Variants in GTF2H1 observed in about 807,000 individuals in gnomAD.
GTF2H1 encodes the protein general transcription factor IIH subunit 1, also known as BTF2 p62.
A neutral mutation model predicts 71.2 loss-of-function variants in GTF2H1; 16 were observed. The ratio of observed to expected loss-of-function variants is 0.22; its 90% CI spans 0.15 to 0.34. GTF2H1 has a LOEUF of 0.34. Among genes scored for constraint, GTF2H1 ranks in the 10% least tolerant of loss-of-function variants. The probability of loss-of-function intolerance (pLI) is 1.00; values close to 1 mark genes in which losing one functional copy is unlikely to be tolerated. For synonymous variants in GTF2H1, 215 were observed against 219.0 expected (o/e 0.98, Z 0.16); for missense variants, 498 against 648.2 (o/e 0.77, Z 2.52).
chr11:18,365,828 C>T lies in GTF2H1; in HGVS notation c.1606C>T (p.Leu536Phe), dbSNP rs779396228. 4 of 1,613,870 alleles carry T rather than the reference C, an allele frequency of 2.5e-6. No homozygotes were observed. The highest frequency in any genetic ancestry group is 3.4e-6 in the Non-Finnish European group (4 of 1,179,786). Residue 536 changes from leucine (L) to phenylalanine (F), a missense_variant, in exon 15 of 15, where the codon CTC becomes TTC. Physicochemically the swap from Leu to Phe is conservative, Grantham distance 22. This residue lies in a region of GTF2H1 where 266 missense variants were observed against 301.6 expected (regional missense o/e 0.88). Transcript: ENST00000265963. ...GATGCTCCAGACAGCCTACAACAAGCTCCACACATGGCAGTCACGGCGTCT... is the reference window on the plus strand; with the variant it reads ...GATGCTCCAGACAGCCTACAACAAGTTCCACACATGGCAGTCACGGCGTCT... ...EEMLQTAYNKLHTWQSRRLMK... is the reference protein window; with the variant it reads ...EEMLQTAYNKFHTWQSRRLMK...
chr11:18,344,533 C>T lies in GTF2H1; in HGVS notation c.837+2926C>T, dbSNP rs768283214. On this transcript the variant is annotated intron_variant, in intron 7 of 14. Transcript: ENST00000265963. ...ACCCAGGAGGCTGAGGCAGGAGAGT[C>T]GCTGGAACCGGGGAGGCAGAGGCTG... 4.7e-5 allele frequency among the ~76,000 whole-genome samples: 7 copies of T among 148,872 alleles called. No homozygotes were observed. The South Asian group carries it at 6.4e-4, about 14-fold the overall frequency.
intron 13 of GTF2H1, 147 bp from the exon 14 acceptor site, chr11:18,360,468 T>C: frequency 3.9e-6 from 2 of 513,232 alleles, no homozygotes; most frequent in South Asian, 5.6e-5. Flanking sequence ...GGGTTAACAA[T>C]GTGATATAAT....
chr11:18,337,198 G>A (rs1467312811), intron 3 of GTF2H1, among the ~76,000 whole-genome samples: 1 of 152,158 alleles, frequency 6.6e-6, no homozygotes, highest in African/African-American at 2.4e-5. Flanking sequence ...CGAGGCTGAG[G>A]TGGGTGGATC....
intron 7 of GTF2H1, among the ~76,000 whole-genome samples, chr11:18,346,864 C>T (rs1181736951): frequency 6.7e-6 from 1 of 150,134 alleles, no homozygotes; most frequent in Non-Finnish European, 1.5e-5. Context: ...CTCAGCCTCC[C>T]CAACAGCTGG....
Position 18,330,156 on chromosome 11 carries a change from A to T in GTF2H1, c.-15-2904A>T, listed in dbSNP as rs571469327. 4.3e-4 allele frequency among the ~76,000 whole-genome samples: 66 copies of T among 152,318 alleles called. No individual in the cohort carries two copies. In the Middle Eastern group the frequency reaches 0.014, roughly 31 times the overall value. ...TTTGTTAATTATATCTTAGTTTTTT[A>T]AAATGGCTTTTTAAAAATTCTGTGG... On this transcript the variant is annotated intron_variant, in intron 1 of 14. Transcript: ENST00000265963.
chr11:18,350,858 G>A (rs1457647764), intron 9 of GTF2H1, among the ~76,000 whole-genome samples: 2 of 152,148 alleles, frequency 1.3e-5, no homozygotes, highest in Non-Finnish European at 1.5e-5. Context: ...TTACAAGGCT[G>A]TAAAAATTTA....
intron 3 of GTF2H1, 60 bp from the exon 4 acceptor site, chr11:18,338,049 G>A (rs1406255948): frequency 3.6e-6 from 4 of 1,122,406 alleles, no homozygotes; most frequent in East Asian, 2.4e-5. Flanking sequence ...TTTTTAAAAT[G>A]TACCTACATG....
In GTF2H1 at chr11:18,342,185, T is replaced by C. The variant is rs144525915; in HGVS notation, c.837+578T>C. ...TCTGTCTTCTAGGCCAGAACTTGTCTTCCTCAGTTATTCCCTTTACTCTGA... is the reference window on the plus strand; with the variant it reads ...TCTGTCTTCTAGGCCAGAACTTGTCCTCCTCAGTTATTCCCTTTACTCTGA... On this transcript the variant is annotated intron_variant, in intron 7 of 14. Coordinates refer to ENST00000265963, the MANE Select transcript of GTF2H1 (RefSeq NM_005316.4). Among the ~76,000 whole-genome samples the C allele has an allele frequency of 2.6e-3, 400 of 152,170 alleles. 1 individual carries two copies. Among genetic ancestry groups the C allele is most frequent in the African/African-American group, 8.1e-3 (336 of 41,522 alleles).
intron 4 of GTF2H1, 79 bp downstream of exon 4, chr11:18,338,353 T>C (rs1590186474): frequency 3.3e-6 from 3 of 899,370 alleles, no homozygotes; most frequent in Non-Finnish European, 5.3e-6. Flanking sequence ...ATTCCTTTTG[T>C]AAAACTTAGC....
chr11:18,335,130 CA>C (rs1864993473), intron 2 of GTF2H1, among the ~76,000 whole-genome samples: 1 of 152,046 alleles, frequency 6.6e-6, no homozygotes, highest in South Asian at 2.1e-4. Flanking sequence ...AGCTAAAAGT[CA>C]GATCTAAAGG....
chr11:18,330,611 T>G (rs1221462308), intron 1 of GTF2H1, among the ~76,000 whole-genome samples: 2 of 152,234 alleles, frequency 1.3e-5, no homozygotes, highest in African/African-American at 4.8e-5. Flanking sequence ...TCCTGGACCA[T>G]GAAGAAAGGC....
rs778830214 is a variant in GTF2H1 at position 18,341,647 on chromosome 11, T to A, written c.837+40T>A. The A allele has an allele frequency of 3.1e-6, 4 of 1,270,358 alleles. No homozygotes were observed. In the South Asian group the frequency reaches 5.1e-5, roughly 16 times the overall value. The allele number at this position is 1,270,358 out of a possible 1,614,324, so 78.7% of individuals were successfully genotyped here. A position where few individuals can be genotyped will look rare whatever the true frequency, so the allele number is the denominator to read the frequency against. ...AAGAAGTTTTGAGAGAAAAGAGTCT[T>A]TTCCTAGTCTTCAACATTGTCTTAA... On this transcript the variant is annotated intron_variant, in intron 7 of 14. Transcript: ENST00000265963.
intron 2 of GTF2H1, among the ~76,000 whole-genome samples, chr11:18,335,528 A>G (rs1865004363): frequency 6.6e-6 from 1 of 152,232 alleles, no homozygotes; most frequent in South Asian, 2.1e-4. Flanking sequence ...GAAGTGCTGC[A>G]TGACAAGAGT....
At chr11:18,363,930 C>T (rs538427797) in intron 14 of GTF2H1, among the ~76,000 whole-genome samples, 158 of 152,134 alleles carry the variant, frequency 1.0e-3, no homozygotes, top group African/African-American at 3.4e-3. Flanking sequence ...AAAAATTAGC[C>T]GGGCGTTGTG....
intron 12 of GTF2H1, among the ~76,000 whole-genome samples, 156 bp from the exon 13 acceptor site, chr11:18,358,369 C>G (rs949092389): frequency 2.0e-5 from 3 of 152,220 alleles, no homozygotes; most frequent in African/African-American, 7.2e-5. Flanking sequence ...TATGATCTCT[C>G]AGCCACAAAA....
At chr11:18,362,674 T>C (rs12575192) in intron 14 of GTF2H1, among the ~76,000 whole-genome samples, 520 of 32,314 alleles carry the variant, frequency 0.016, no homozygotes, top group Admixed American at 0.029. Flanking sequence ...TTTTCTTTTT[T>C]TTTTTTTTTT....
chr11:18,357,709 G>A (rs2133987386), intron 11 of GTF2H1, among the ~76,000 whole-genome samples: 1 of 152,262 alleles, frequency 6.6e-6, no homozygotes, highest in Non-Finnish European at 1.5e-5. Context: ...AACCTTGGGA[G>A]TTTTGAGGTC....
At chr11:18,350,084 A>C (rs1044027333) in intron 9 of GTF2H1, among the ~76,000 whole-genome samples, 13 of 152,342 alleles carry the variant, frequency 8.5e-5, no homozygotes, top group South Asian at 2.1e-4. Context: ...AGGGGCTATC[A>C]GTATTCAGTG....
chr11:18,323,999 C>T (rs376181129), intron 1 of GTF2H1, among the ~76,000 whole-genome samples: 15 of 152,226 alleles, frequency 9.9e-5, no homozygotes, highest in East Asian at 3.9e-4. Flanking sequence ...GGCTTAAGTC[C>T]CTCATTCAGA....
Sources: gnomAD v4.1 joint callset for allele counts (sites outside exome capture counted in the v4.1 genomes callset) on GRCh38, gnomAD v4.1.1 for gene constraint, gnomAD v4.1.1 regional missense constraint, MANE v1.5 for transcripts, NCBI Gene and HGNC (gene_info 2026-07-23, HGNC 2026-07-21) for gene names.